COG2: variants seen among roughly 807,000 people sequenced by gnomAD.
COG2 encodes the protein conserved oligomeric Golgi complex subunit 2.
A neutral mutation model predicts 90.6 loss-of-function variants in COG2; 52 were observed. The observed-to-expected ratio is 0.57, with a 90% CI of 0.46 to 0.72. The LOEUF (loss-of-function observed/expected upper bound fraction) is 0.72, where lower values mean the gene tolerates loss of function less well. Ranked by LOEUF, COG2 falls within the 30% of genes least tolerant of loss-of-function variation. COG2 has a pLI of 0.00. For synonymous variants in COG2, 337 were observed against 320.4 expected (o/e 1.05, Z -0.55); for missense variants, 829 against 891.2 (o/e 0.93, Z 0.89).
At chr1:230,644,370 A>G (rs191771895) in intron 1 of COG2, among the ~76,000 whole-genome samples, 1 of 152,356 alleles carries the variant, frequency 6.6e-6, no homozygotes, top group East Asian at 1.9e-4. Context: ...CCTTAAACAT[A>G]TAAAACTACA....
intron 13 of COG2, among the ~76,000 whole-genome samples, 186 bp downstream of exon 13, chr1:230,687,318 A>G (rs564323895): frequency 1.3e-3 from 201 of 152,288 alleles, no homozygotes; most frequent in African/African-American, 4.7e-3. Context: ...CTGACAGGTC[A>G]TGTCCATATA....
intron 1 of COG2, among the ~76,000 whole-genome samples, chr1:230,644,122 GGAA>G (rs1290747019): frequency 3.3e-5 from 5 of 152,198 alleles, no homozygotes; most frequent in Non-Finnish European, 7.3e-5. Context: ...TGCAGCTTCA[GGAA>G]GTGAAATCAC....
At chr1:230,676,050 T>G (rs1662584089) in intron 9 of COG2, among the ~76,000 whole-genome samples, 1 of 152,184 alleles carries the variant, frequency 6.6e-6, no homozygotes, top group Non-Finnish European at 1.5e-5. Context: ...TGCTTTCCAT[T>G]CTATCATTTT....
chr1:230,661,424 C>G (rs1662176055), intron 3 of COG2: 1 of 152,238 alleles, frequency 6.6e-6, no homozygotes, highest in South Asian at 2.1e-4. Context: ...GCATCATTTT[C>G]AACAGAAAAG....
chr1:230,672,457 C>G (rs1043554376), intron 8 of COG2, among the ~76,000 whole-genome samples: 1 of 152,084 alleles, frequency 6.6e-6, no homozygotes, highest in African/African-American at 2.4e-5. Flanking sequence ...CTCTGCCTGC[C>G]CTCCCCTTCC....
intron 10 of COG2, chr1:230,681,361 C>G (rs1375641682): frequency 6.6e-6 from 1 of 152,072 alleles, no homozygotes. Context: ...ATATGCTGAA[C>G]ACAGTCTTAT....
chr1:230,664,813 G>A (rs1479776745), intron 5 of COG2, among the ~76,000 whole-genome samples: 1 of 152,164 alleles, frequency 6.6e-6, no homozygotes, highest in Non-Finnish European at 1.5e-5. Context: ...ACCTTTCAGG[G>A]AGTCAGAGAA....
chr1:230,649,179 A>C (rs1170397195), intron 1 of COG2, among the ~76,000 whole-genome samples: 1 of 152,236 alleles, frequency 6.6e-6, no homozygotes, highest in Non-Finnish European at 1.5e-5. Flanking sequence ...CTGTCCATAG[A>C]TGCTGGAAAA....
At chr1:230,664,924 T>C (rs1662282436) in intron 5 of COG2, among the ~76,000 whole-genome samples, 1 of 152,204 alleles carries the variant, frequency 6.6e-6, no homozygotes, top group South Asian at 2.1e-4. Flanking sequence ...AGTCATCTTA[T>C]TTAGACAGGC....
chr1:230,685,282 A>G, intron 12 of COG2, 46 bp downstream of exon 12: 1 of 1,600,686 alleles, frequency 6.2e-7, no homozygotes, highest in Non-Finnish European at 8.5e-7. Context: ...ACTGATAAAA[A>G]TTAAAGATAT....
chr1:230,663,370 T>TTAAA (rs567009940), intron 4 of COG2, 149 bp downstream of exon 4: 15 of 330,528 alleles, frequency 4.5e-5, no homozygotes, highest in African/African-American at 2.2e-4. Flanking sequence ...AGTGTTTATA[T>TTAAA]TAAATAAATA....
chr1:230,659,746 A>G, intron 2 of COG2, 121 bp downstream of exon 2: 2 of 1,009,234 alleles, frequency 2.0e-6, no homozygotes, highest in Non-Finnish European at 1.4e-6. Context: ...AGAAATTTGA[A>G]GAGATCCCTA....
intron 4 of COG2, among the ~76,000 whole-genome samples, chr1:230,663,712 T>C (rs1406462447): frequency 2.0e-5 from 3 of 152,260 alleles, no homozygotes; most frequent in Non-Finnish European, 4.4e-5. Context: ...CAATGAGTTT[T>C]TATAATGTTC....
chr1:230,668,824 G>T (rs1439091653), intron 6 of COG2, 40 bp downstream of exon 6: 3 of 1,236,698 alleles, frequency 2.4e-6, no homozygotes, highest in South Asian at 1.4e-5. Context: ...GGTGTTTAGG[G>T]ACTTGCTAAA....
At chr1:230,661,451 G>C (rs1662176316) in intron 3 of COG2, 1 of 152,198 alleles carries the variant, frequency 6.6e-6, no homozygotes, top group African/African-American at 2.4e-5. Flanking sequence ...ACCCTGTCCT[G>C]TCCCTGCTGG....
intron 9 of COG2, 195 bp from the exon 10 acceptor site, chr1:230,678,718 T>C (rs1210925427): frequency 1.5e-5 from 22 of 1,490,204 alleles, no homozygotes; most frequent in Non-Finnish European, 1.8e-5. Flanking sequence ...GGAAGACATA[T>C]CACAGAACCA....
chr1:230,665,385 A>G (rs1441357812), intron 5 of COG2, among the ~76,000 whole-genome samples: 2 of 152,196 alleles, frequency 1.3e-5, no homozygotes, highest in Non-Finnish European at 2.9e-5. Flanking sequence ...TGAAAGTCAC[A>G]TTGATAGCCA....
chr1:230,663,117 A>AC, intron 3 of COG2, 24 bp from the exon 4 acceptor site: 1 of 1,479,614 alleles, frequency 6.8e-7, no homozygotes, highest in Non-Finnish European at 9.3e-7. Flanking sequence ...TCTCTGCAGT[A>AC]CTTTTTTTTT....
intron 1 of COG2, among the ~76,000 whole-genome samples, chr1:230,650,816 TTA>T (rs1284784465): frequency 6.6e-6 from 1 of 152,226 alleles, no homozygotes; most frequent in Non-Finnish European, 1.5e-5. Context: ...TCTAGGATTT[TTA>T]TAGTTTCAGG....
Sources: allele counts gnomAD v4.1 joint callset (sites outside exome capture counted in the v4.1 genomes callset), GRCh38; gene constraint gnomAD v4.1.1; transcripts MANE v1.5; gene names NCBI Gene and HGNC (gene_info 2026-07-23, HGNC 2026-07-21).